EIF4G3: variants seen among roughly 807,000 people sequenced by gnomAD.
The protein encoded by EIF4G3 is eukaryotic translation initiation factor 4 gamma 3, also known as eIF-4-gamma 3.
A neutral mutation model predicts 186.4 loss-of-function variants in EIF4G3; 34 were observed. The ratio of observed to expected loss-of-function variants is 0.18; its 90% CI spans 0.14 to 0.24. EIF4G3 has a LOEUF of 0.24. EIF4G3 is among the 10% of genes least tolerant of loss of function. The pLI, the probability that EIF4G3 is intolerant of heterozygous loss-of-function variation, is 1.00. For synonymous variants in EIF4G3, 673 were observed against 679.5 expected, an observed-to-expected ratio of 0.99 and a Z score of 0.15; for missense variants, 1,536 against 1,948.5, an observed-to-expected ratio of 0.79 and a Z score of 3.99.
chr1:21,060,022 AC>A (rs2094805014), intron 3 of EIF4G3, among the ~76,000 whole-genome samples: 1 of 152,190 alleles, frequency 6.6e-6, no homozygotes, highest in African/African-American at 2.4e-5. Context: ...ATCTCGGCTC[AC>A]TGCAGGTTCC....
rs577151475 is a variant in EIF4G3 at position 20,994,209 on chromosome 1, T to TATC, written c.177+3389_177+3391dup. ...GTTATCCCACCCAAATGCCAATACC[T>TATC]ATCCCATAGTGAAACAAACCAAATT... On this transcript the variant is annotated intron_variant, in intron 7 of 36. Coordinates refer to ENST00000602326, the MANE Select transcript of EIF4G3 (RefSeq NM_001391906.1). Among the ~76,000 whole-genome samples the TATC allele has an allele frequency of 3.0e-3, 457 of 152,354 alleles. 1 individual carries two copies. Among genetic ancestry groups the TATC allele is most frequent in the Non-Finnish European group, 5.0e-3 (339 of 68,030 alleles).
intron 15 of EIF4G3, among the ~76,000 whole-genome samples, chr1:20,903,197 G>T (rs2090980188): frequency 6.6e-6 from 1 of 152,206 alleles, no homozygotes; most frequent in Admixed American, 6.5e-5. Flanking sequence ...GTTTTGTGAA[G>T]ATACAACCTT....
intron 13 of EIF4G3, among the ~76,000 whole-genome samples, chr1:20,942,913 C>T (rs1462459973): frequency 6.6e-6 from 1 of 152,110 alleles, no homozygotes; most frequent in African/African-American, 2.4e-5. Flanking sequence ...TGAAATCAAA[C>T]TATTCTCAGT....
At chr1:21,035,464 G>C (rs2093111201) in intron 4 of EIF4G3, among the ~76,000 whole-genome samples, 1 of 152,192 alleles carries the variant, frequency 6.6e-6, no homozygotes, top group Non-Finnish European at 1.5e-5. Context: ...CACAGGCTCA[G>C]GGGTGTCTGC....
At chr1:20,855,853 T>C (rs1383748374) in intron 25 of EIF4G3, among the ~76,000 whole-genome samples, 1 of 152,206 alleles carries the variant, frequency 6.6e-6, no homozygotes, top group Non-Finnish European at 1.5e-5. Flanking sequence ...CCAGTATAAC[T>C]ATCTGAATAC....
At chr1:20,841,758 A>G (rs2068677014) in intron 29 of EIF4G3, among the ~76,000 whole-genome samples, 1 of 152,218 alleles carries the variant, frequency 6.6e-6, no homozygotes, top group African/African-American at 2.4e-5. Context: ...TGATACACCA[A>G]TAAAGCAGTG....
At position 20,860,385 on chromosome 1, in the gene EIF4G3, C is replaced by G. The variant is rs10916883; in HGVS notation, c.3244G>C (p.Gly1082Arg). 6.2e-7 allele frequency: 1 copy of G among 1,614,004 alleles called. No homozygotes were observed. The highest frequency in any genetic ancestry group is 8.5e-7 in the Non-Finnish European group (1 of 1,179,976). Residue 1082 changes from glycine (G) to arginine (R), a missense_variant and splice_region_variant, in exon 24 of 37, where the codon GGT becomes CGT. Physicochemically the swap from Gly to Arg is moderately radical, Grantham distance 125. Around this residue, in one of 11 missense-constraint regions of EIF4G3, gnomAD observed 110 missense variants for 166.2 expected, o/e 0.66. Transcript: ENST00000602326. ...QLMTKEKRRP[G>R]VQRVDEGGWN... is the part of the protein sequence containing the mutation. ...AAACCCTGGTGGATTCCGGCCTCAC[C>G]TGGTCTTCTCTTCTCTTTGGTCATG... is the stretch of plus-strand genomic sequence containing the variant.
At chr1:21,050,612 C>T (rs1438438225) in intron 4 of EIF4G3, among the ~76,000 whole-genome samples, 1 of 152,148 alleles carries the variant, frequency 6.6e-6, no homozygotes, top group Non-Finnish European at 1.5e-5. Flanking sequence ...TAGAATAAAA[C>T]TCTAACTTCT....
intron 18 of EIF4G3, among the ~76,000 whole-genome samples, chr1:20,890,218 C>T (rs1322019719): frequency 6.6e-6 from 1 of 151,896 alleles, no homozygotes; most frequent in Non-Finnish European, 1.5e-5. Flanking sequence ...TGTAATCTGC[C>T]CACCTCAGCC....
At chr1:21,101,573 A>AAAAAAAAAAAAC (rs1300347804) in intron 2 of EIF4G3, among the ~76,000 whole-genome samples, 1,847 of 139,910 alleles carry the variant, frequency 0.013, 48 homozygotes, top group Non-Finnish European at 0.023. Context: ...AAAAAAAAAA[A>AAAAAAAAAAAAC]AACAACAAAA....
intron 7 of EIF4G3, among the ~76,000 whole-genome samples, chr1:20,992,081 C>T (rs1231639563): frequency 6.6e-6 from 1 of 152,116 alleles, no homozygotes; most frequent in Non-Finnish European, 1.5e-5. Context: ...TACTGACTCC[C>T]AACATATATT....
intron 2 of EIF4G3, among the ~76,000 whole-genome samples, chr1:21,110,410 C>T (rs2102142622): frequency 6.6e-6 from 1 of 152,188 alleles, no homozygotes; most frequent in South Asian, 2.1e-4. Flanking sequence ...ATTCTCCTGT[C>T]TCAGCCTCTG....
intron 3 of EIF4G3, among the ~76,000 whole-genome samples, chr1:21,052,785 G>A (rs2094311344): frequency 6.6e-6 from 1 of 152,208 alleles, no homozygotes; most frequent in African/African-American, 2.4e-5. Context: ...GTTTCGCTGT[G>A]TTGGCCGGGC....
intron 2 of EIF4G3, chr1:21,111,363 C>T (rs1200574853): frequency 2.1e-6 from 1 of 471,464 alleles, no homozygotes; most frequent in Non-Finnish European, 4.4e-6. Context: ...TCAGTTTCCT[C>T]ATCAATACTC....
At chr1:20,815,418 C>T (rs1415527044) in intron 34 of EIF4G3, among the ~76,000 whole-genome samples, 137 of 145,526 alleles carry the variant, frequency 9.4e-4, no homozygotes, top group African/African-American at 3.3e-3. Flanking sequence ...GAGTGGGGAG[C>T]GCCTCTGCCC....
intron 16 of EIF4G3, among the ~76,000 whole-genome samples, chr1:20,896,862 CT>C: frequency 6.6e-6 from 1 of 152,310 alleles, no homozygotes; most frequent in South Asian, 2.1e-4. Context: ...CAACTGCCTA[CT>C]ATTCAGTATA....
chr1:21,134,963 G>C (rs1387861151), intron 2 of EIF4G3, among the ~76,000 whole-genome samples: 1 of 151,884 alleles, frequency 6.6e-6, no homozygotes, highest in African/African-American at 2.4e-5. Context: ...TTTCAAACCA[G>C]ATGTGCCACT....
chr1:20,961,256 GC>G (rs1214495662), intron 12 of EIF4G3, among the ~76,000 whole-genome samples: 7 of 152,164 alleles, frequency 4.6e-5, no homozygotes, highest in Admixed American at 4.6e-4. Flanking sequence ...GGTGGTGCAT[GC>G]CTGTAATCCC....
chr1:20,916,381 A>T (rs928432300), intron 14 of EIF4G3, among the ~76,000 whole-genome samples: 2 of 151,484 alleles, frequency 1.3e-5, no homozygotes, highest in African/African-American at 4.8e-5. Flanking sequence ...CGGGAGGCGG[A>T]GGTTGCAGTG....
Sources: allele counts gnomAD v4.1 joint callset (sites outside exome capture counted in the v4.1 genomes callset), GRCh38; gene constraint gnomAD v4.1.1; regional missense constraint gnomAD v4.1.1; transcripts MANE v1.5; gene names NCBI Gene and HGNC (gene_info 2026-07-23, HGNC 2026-07-21).